ARHGAP42: variants seen among roughly 807,000 people sequenced by gnomAD.
ARHGAP42 encodes the protein rho GTPase-activating protein 42.
A neutral mutation model predicts 125.0 loss-of-function variants in ARHGAP42; 63 were observed. The observed-to-expected ratio is 0.50, with a 90% confidence interval of 0.41 to 0.62. ARHGAP42 has a LOEUF of 0.62. ARHGAP42 is among the 20% of genes least tolerant of loss of function. ARHGAP42 has a pLI of 0.00. For missense variants in ARHGAP42, 766 were observed against 1,024.2 expected, an observed-to-expected ratio of 0.75 and a Z score of 3.44; for synonymous variants, 339 against 351.0, an observed-to-expected ratio of 0.97 and a Z score of 0.38.
At chr11:100,797,243 A>C (rs1863739190) in intron 3 of ARHGAP42, among the ~76,000 whole-genome samples, 1 of 152,236 alleles carries the variant, frequency 6.6e-6, no homozygotes, top group Non-Finnish European at 1.5e-5. Context: ...TATCCAAAAG[A>C]TCTGGCTGAG....
At chr11:100,728,000 G>A (rs1386386947) in intron 1 of ARHGAP42, among the ~76,000 whole-genome samples, 3 of 152,104 alleles carry the variant, frequency 2.0e-5, no homozygotes, top group Non-Finnish European at 4.4e-5. Flanking sequence ...GGTTGGTATC[G>A]GAATTCAATT....
chr11:100,826,639 C>T (rs943338111), intron 3 of ARHGAP42, among the ~76,000 whole-genome samples: 1 of 152,074 alleles, frequency 6.6e-6, no homozygotes, highest in Non-Finnish European at 1.5e-5. Flanking sequence ...GTTTTACTTG[C>T]TTACTTCACC....
intron 1 of ARHGAP42, among the ~76,000 whole-genome samples, chr11:100,713,963 C>G: frequency 6.6e-6 from 1 of 152,146 alleles, no homozygotes; most frequent in East Asian, 1.9e-4. Flanking sequence ...CCACAATCAT[C>G]TCTTCTGTTC....
intron 1 of ARHGAP42, among the ~76,000 whole-genome samples, chr11:100,704,533 G>T (rs145151398): frequency 3.3e-5 from 5 of 152,270 alleles, no homozygotes; most frequent in African/African-American, 1.2e-4. Flanking sequence ...TCCTCAGACT[G>T]CTCTAATGGA....
chr11:100,754,370 G>A (rs1471601833), intron 1 of ARHGAP42, among the ~76,000 whole-genome samples: 2 of 152,054 alleles, frequency 1.3e-5, no homozygotes, highest in African/African-American at 4.8e-5. Flanking sequence ...TATTTAGTAG[G>A]GAAATGAAGA....
chr11:100,866,504 A>T (rs2135151514), intron 4 of ARHGAP42, among the ~76,000 whole-genome samples: 1 of 152,282 alleles, frequency 6.6e-6, no homozygotes, highest in Middle Eastern at 3.4e-3. Flanking sequence ...ACTACCTGAG[A>T]CTGGGTAATT....
chr11:100,971,212 T>C (rs2135313819), intron 17 of ARHGAP42, among the ~76,000 whole-genome samples: 1 of 152,204 alleles, frequency 6.6e-6, no homozygotes, highest in East Asian at 1.9e-4. Context: ...ACTTTAACTG[T>C]TTTTGGTTAT....
At chr11:100,904,124 A>G (rs1221084641) in intron 4 of ARHGAP42, among the ~76,000 whole-genome samples, 1 of 151,584 alleles carries the variant, frequency 6.6e-6, no homozygotes, top group African/African-American at 2.4e-5. Context: ...AATCAAGTTG[A>G]CTCTCAGTAT....
intron 5 of ARHGAP42, among the ~76,000 whole-genome samples, chr11:100,916,148 G>A (rs1035866586): frequency 3.3e-5 from 5 of 152,170 alleles, no homozygotes; most frequent in African/African-American, 1.2e-4. Flanking sequence ...CGTCAACTAG[G>A]CCATTGGAGT....
intron 1 of ARHGAP42, among the ~76,000 whole-genome samples, chr11:100,724,182 G>C (rs560084134): frequency 1.3e-5 from 2 of 152,028 alleles, no homozygotes; most frequent in Non-Finnish European, 2.9e-5. Context: ...CTCACTTGGT[G>C]GGGGGTAATT....
intron 21 of ARHGAP42, among the ~76,000 whole-genome samples, chr11:100,978,003 T>C (rs1230309395): frequency 6.6e-6 from 1 of 152,186 alleles, no homozygotes; most frequent in African/African-American, 2.4e-5. Context: ...ATGTACCTTA[T>C]CTCTTTTGGT....
intron 3 of ARHGAP42, among the ~76,000 whole-genome samples, chr11:100,834,990 CCT>C (rs1864751588): frequency 6.6e-6 from 1 of 150,842 alleles, no homozygotes; most frequent in Non-Finnish European, 1.5e-5. Flanking sequence ...TTTTATTCAC[CCT>C]GTTTCATAAG....
chr11:100,728,035 T>C (rs1214547270), intron 1 of ARHGAP42, among the ~76,000 whole-genome samples: 1 of 152,112 alleles, frequency 6.6e-6, no homozygotes, highest in Admixed American at 6.5e-5. Flanking sequence ...CCAGCTGGTG[T>C]TGGAGAATTG....
chr11:100,705,939 T>C (rs112995306), intron 1 of ARHGAP42, among the ~76,000 whole-genome samples: 3,627 of 151,268 alleles, frequency 0.024, 59 homozygotes, highest in Non-Finnish European at 0.031. Flanking sequence ...TGCCTTGCAG[T>C]GGGAGTGCAC....
rs1485160470 is a variant in ARHGAP42 at position 100,750,888 on chromosome 11, GA to G, written c.155-19453del. ...CTAACAACCACCTCCTACAGGTCTT[GA>G]ACTGCAGAGGTCTCTTGAAGCTTTC... On this transcript the variant is annotated intron_variant, in intron 1 of 23. Transcript: ENST00000298815. Among the ~76,000 whole-genome samples the G allele has an allele frequency of 1.2e-4, 18 of 151,508 alleles. 1 individual carries two copies. The South Asian group carries it at 1.7e-3, about 14-fold the overall frequency.
chr11:100,899,722 G>GTTTTGTTTTTTTTTTTTTTTTTTT (rs1414222333), intron 4 of ARHGAP42, among the ~76,000 whole-genome samples: 3 of 67,224 alleles, frequency 4.5e-5, no homozygotes, highest in East Asian at 3.4e-4. Flanking sequence ...TTTGTGTTTT[G>GTTTTGTTTTTTTTTTTTTTTTTTT]TTTTTTTTTT....
At chr11:100,759,470 TC>T (rs1862654005) in intron 1 of ARHGAP42, among the ~76,000 whole-genome samples, 1 of 152,206 alleles carries the variant, frequency 6.6e-6, no homozygotes, top group African/African-American at 2.4e-5. Context: ...CTTCCTATTT[TC>T]AAGGTCCTGT....
chr11:100,929,099 T>C (rs1299365315), intron 6 of ARHGAP42, among the ~76,000 whole-genome samples: 2 of 152,190 alleles, frequency 1.3e-5, no homozygotes, highest in Non-Finnish European at 2.9e-5. Flanking sequence ...ACCAGTTTTA[T>C]GGAAGACTAT....
chr11:100,689,410 C>A (rs961083829), intron 1 of ARHGAP42, among the ~76,000 whole-genome samples: 3 of 152,154 alleles, frequency 2.0e-5, no homozygotes, highest in Non-Finnish European at 2.9e-5. Context: ...TTGGAGGTGC[C>A]AGATATTCTA....
Sources: allele counts gnomAD v4.1 joint callset (sites outside exome capture counted in the v4.1 genomes callset), GRCh38; gene constraint gnomAD v4.1.1; transcripts MANE v1.5; gene names NCBI Gene and HGNC (gene_info 2026-07-23, HGNC 2026-07-21).